Variants in MYO1G observed in about 807,000 individuals in gnomAD.
MYO1G encodes myosin IG.
A neutral mutation model predicts 115.3 loss-of-function variants in MYO1G; 65 were observed. The observed-to-expected ratio is 0.56, with a 90% CI of 0.46 to 0.69. MYO1G has a LOEUF of 0.69. Among genes scored for constraint, MYO1G ranks in the 30% least tolerant of loss-of-function variants. The pLI is 0.00. For missense variants in MYO1G, 1,204 were observed against 1,393.5 expected (o/e 0.86, Z 2.16); for synonymous variants, 510 against 552.6 (o/e 0.92, Z 1.08).
intron 9 of MYO1G, 89 bp downstream of exon 9, chr7:44,970,503 T>C: frequency 6.5e-7 from 1 of 1,548,512 alleles, no homozygotes; most frequent in Non-Finnish European, 8.8e-7. Context: ...CCAACATTCC[T>C]GCTGCCCAGC....
At chr7:44,972,571 C>G (rs905092362) in intron 5 of MYO1G, 2 of 285,004 alleles carry the variant, frequency 7.0e-6, no homozygotes, top group Non-Finnish European at 1.4e-5. Context: ...GGAGACACTA[C>G]CCGGGTCCCA....
rs1794777902 is a variant in MYO1G, at chr7:44,963,113, C to G, written c.2757G>C (p.Leu919=). 6.7e-7 allele frequency: 1 copy of G among 1,490,014 alleles called. No homozygotes were observed. Among genetic ancestry groups the G allele is most frequent in the African/African-American group, 1.5e-5 (1 of 68,616 alleles). 92.3% of individuals were successfully genotyped at this position (1,490,014 alleles called of 1,614,324 possible). A position where few individuals can be genotyped will look rare whatever the true frequency, so the allele number is the denominator to read the frequency against. ...GCTGGTCTCCTCCGCTGGTCACGCT[C>G]AGCCCCGTCACCTGAGCGGAGCGCG... ...RAVPLEAVTG[L]SVTSGGDQLV... The change falls in exon 21 of 22, where the codon CTG becomes CTC. Residue 919 remains leucine, a synonymous_variant. Transcript: ENST00000258787. The surrounding 1 kb of genome is among the most constrained non-coding windows in gnomAD (Gnocchi z 4.1).
chr7:44,978,984 C>CCT lies in MYO1G; in HGVS notation c.-25_-24dup. 3 of 1,611,328 alleles carry CCT rather than the reference C, an allele frequency of 1.9e-6. No individual in the cohort carries two copies. Among genetic ancestry groups the CCT allele is most frequent in the Non-Finnish European group, 2.5e-6 (3 of 1,177,492 alleles). ...CATCCTGCCGGCTGGAAACACCTTGCCTCACCTTCCTGTGCCTGCTGGAAG... is the reference window on the plus strand; with the variant it reads ...CATCCTGCCGGCTGGAAACACCTTGCCTCTCACCTTCCTGTGCCTGCTGGAAG... On this transcript the variant is annotated 5_prime_UTR_variant, in exon 1 of 22. Transcript: ENST00000258787.
rs754241898 is a variant in MYO1G, at chr7:44,969,384, C to G, written c.1574+29G>C. 6.2e-7 allele frequency: 1 copy of G among 1,612,110 alleles called. No individual in the cohort carries two copies. Among genetic ancestry groups the G allele is most frequent in the Non-Finnish European group, 8.5e-7 (1 of 1,178,732 alleles). On this transcript the variant is annotated intron_variant, in intron 12 of 21. Transcript: ENST00000258787. This position sits in a 1 kb window ranked among gnomAD's most constrained non-coding sequence, Gnocchi z 5.0. ...CATGCCATGGTGCCTGTGGGAAAGC[C>G]AGGGATGTGGGTGGGAGGGGGCCCT... is the stretch of plus-strand genomic sequence containing the variant.
rs1181150578 is a variant in MYO1G, at chr7:44,969,412, C to T, written c.1574+1G>A. On this transcript the variant is annotated splice_donor_variant, in intron 12 of 21. Transcript: ENST00000258787. LOFTEE classifies it high-confidence loss of function. This position sits in a 1 kb window ranked among gnomAD's most constrained non-coding sequence, Gnocchi z 5.0. Reference sequence around the variant, plus strand: ...GGATGTGGGTGGGAGGGGGCCCTTACGTGACGTCCCCTGCATAGTGCTTGA... The same window carrying T: ...GGATGTGGGTGGGAGGGGGCCCTTATGTGACGTCCCCTGCATAGTGCTTGA... The T allele has an allele frequency of 1.2e-6, 2 of 1,613,624 alleles. No homozygotes were observed. The highest frequency in any genetic ancestry group is 1.7e-5 in the Admixed American group (1 of 60,010).
rs765636961 is a variant in MYO1G at position 44,962,727 on chromosome 7, G to A, written c.*12C>T. ...ACAATTGGCGGCCTCGGGGTGCGGC[G>A]GGTGCGGGCGCTCAGCGGCTGGGCC... On this transcript the variant is annotated 3_prime_UTR_variant, in exon 22 of 22. Coordinates refer to ENST00000258787, the MANE Select transcript of MYO1G (RefSeq NM_033054.3). The surrounding 1 kb of genome is among the most constrained non-coding windows in gnomAD (Gnocchi z 5.3). 1.4e-6 allele frequency: 2 copies of A among 1,455,182 alleles called. No homozygotes were observed. Among genetic ancestry groups the A allele is most frequent in the Admixed American group, 2.6e-5 (1 of 39,148 alleles). The allele number at this position is 1,455,182 out of a possible 1,614,324, so 90.1% of individuals were successfully genotyped here.
Position 44,963,135 on chromosome 7 carries a change from C to T in MYO1G, c.2746-11G>A. 1 of 1,443,526 alleles carries T rather than the reference C, an allele frequency of 6.9e-7. No individual in the cohort carries two copies. The highest frequency in any genetic ancestry group is 9.1e-7 in the Non-Finnish European group (1 of 1,102,502). 89.4% of individuals were successfully genotyped at this position (1,443,526 alleles called of 1,614,324 possible). A position where few individuals can be genotyped will look rare whatever the true frequency, so the allele number is the denominator to read the frequency against. ...GCTCAGCCCCGTCACCTGAGCGGAGCGCGGGGTCAGAGTGCAGCCGCCTCA... is the reference window on the plus strand; with the variant it reads ...GCTCAGCCCCGTCACCTGAGCGGAGTGCGGGGTCAGAGTGCAGCCGCCTCA... On this transcript the variant is annotated splice_polypyrimidine_tract_variant and intron_variant, in intron 20 of 21. Transcript: ENST00000258787. This position sits in a 1 kb window ranked among gnomAD's most constrained non-coding sequence, Gnocchi z 4.1.
chr7:44,967,512 A>G, intron 14 of MYO1G, 93 bp downstream of exon 14: 1 of 1,489,774 alleles, frequency 6.7e-7, no homozygotes, highest in Non-Finnish European at 9.3e-7. Flanking sequence ...CCCCACCACT[A>G]TGATGTACAG....
Position 44,963,093 on chromosome 7 carries a change from TCTC to T in MYO1G, c.2774_2776del (p.Gly925del). ...GCGGGCGTGCAGCACCACCAGCTGG[TCTC>T]CTCCGCTGGTCACGCTCAGCCCCGT... On this transcript the variant is annotated inframe_deletion, in exon 21 of 22. Coordinates refer to ENST00000258787, the MANE Select transcript of MYO1G (RefSeq NM_033054.3). The surrounding 1 kb of genome is among the most constrained non-coding windows in gnomAD (Gnocchi z 4.1). 1 of 1,517,790 alleles carries T rather than the reference TCTC, an allele frequency of 6.6e-7. No homozygotes were observed. Among genetic ancestry groups the T allele is most frequent in the Non-Finnish European group, 8.8e-7 (1 of 1,138,968 alleles). 94.0% of individuals were successfully genotyped at this position (1,517,790 alleles called of 1,614,324 possible).
Position 44,964,324 on chromosome 7 carries a change from G to GC in MYO1G, c.2631+90dup, listed in dbSNP as rs1203398519. The GC allele has an allele frequency of 2.7e-5, 38 of 1,386,654 alleles. No individual in the cohort carries two copies. The highest frequency in any genetic ancestry group is 2.3e-4 in the East Asian group (10 of 43,436). 85.9% of individuals were successfully genotyped at this position (1,386,654 alleles called of 1,614,324 possible). On this transcript the variant is annotated intron_variant, in intron 19 of 21. Transcript: ENST00000258787. The surrounding 1 kb of genome is among the most constrained non-coding windows in gnomAD (Gnocchi z 5.1). Reference sequence around the variant, plus strand: ...GGGTTGCCTCCATTTTCTCCCAAGTGCCCCCCCAAAACTCTGCACCAGCTT... The same window carrying GC: ...GGGTTGCCTCCATTTTCTCCCAAGTGCCCCCCCCAAAACTCTGCACCAGCTT...
At chr7:44,973,598 C>T (rs1209352296) in intron 5 of MYO1G, 2 of 151,892 alleles carry the variant, frequency 1.3e-5, no homozygotes, top group African/African-American at 4.8e-5. Context: ...GAGCTCCCAC[C>T]TCAGTGGAGA....
At chr7:44,965,455 G>A (rs1794822525) in intron 17 of MYO1G, among the ~76,000 whole-genome samples, 182 bp downstream of exon 17, 1 of 152,232 alleles carries the variant, frequency 6.6e-6, no homozygotes, top group Admixed American at 6.5e-5. Flanking sequence ...TACCCAAGAT[G>A]GTCAGGGCTC....
Position 44,975,173 on chromosome 7 carries a change from C to G in MYO1G, c.618+1G>C. On this transcript the variant is annotated splice_donor_variant, in intron 5 of 21. Transcript: ENST00000258787. LOFTEE classifies it high-confidence loss of function. ...CACCTCCCCTTGCCCTCAGGGCTTA[C>G]TTGGTAGAAGGCGTGGAAGTTTCTT... 1 of 1,614,034 alleles carries G rather than the reference C, an allele frequency of 6.2e-7. No individual in the cohort carries two copies. The highest frequency in any genetic ancestry group is 8.5e-7 in the Non-Finnish European group (1 of 1,179,988).
Position 44,964,414 on chromosome 7 carries a change from C to A in MYO1G, c.2631+1G>T, listed in dbSNP as rs1462243631. 6.2e-7 allele frequency: 1 copy of A among 1,612,656 alleles called. No homozygotes were observed. The highest frequency in any genetic ancestry group is 1.7e-5 in the Admixed American group (1 of 60,014). ...GAAGCCATCCTTGTCCCTTGTCTAACCTTGCGGACATGGCTTGAAAAGAGC... is the reference window on the plus strand; with the variant it reads ...GAAGCCATCCTTGTCCCTTGTCTAAACTTGCGGACATGGCTTGAAAAGAGC... On this transcript the variant is annotated splice_donor_variant, in intron 19 of 21. Transcript: ENST00000258787. LOFTEE classifies it high-confidence loss of function. This position sits in a 1 kb window ranked among gnomAD's most constrained non-coding sequence, Gnocchi z 5.1.
intron 16 of MYO1G, 54 bp from the exon 17 acceptor site, chr7:44,965,914 C>T: frequency 6.4e-7 from 1 of 1,572,602 alleles, no homozygotes; most frequent in South Asian, 1.1e-5. Context: ...AGGCCCTAAC[C>T]CTTAGACCCA....
In MYO1G at chr7:44,964,854, A is replaced by C; in HGVS notation, c.2526+91T>G. Reference sequence around the variant, plus strand: ...CAGACAACCCCAGGCCTGGGAGAGGACATCTGAGGGGACCTGGTCACAGCA... The same window carrying C: ...CAGACAACCCCAGGCCTGGGAGAGGCCATCTGAGGGGACCTGGTCACAGCA... On this transcript the variant is annotated intron_variant, in intron 18 of 21. Transcript: ENST00000258787. This position sits in a 1 kb window ranked among gnomAD's most constrained non-coding sequence, Gnocchi z 5.1. 1.6e-5 allele frequency: 24 copies of C among 1,504,092 alleles called. No individual in the cohort carries two copies. The highest frequency in any genetic ancestry group is 2.1e-5 in the Non-Finnish European group (24 of 1,117,662). The allele number at this position is 1,504,092 out of a possible 1,614,324, so 93.2% of individuals were successfully genotyped here.
chr7:44,971,597 C>G, intron 7 of MYO1G, 76 bp downstream of exon 7: 1 of 1,098,360 alleles, frequency 9.1e-7, no homozygotes, highest in Non-Finnish European at 1.3e-6. Context: ...CCAGTCTCCT[C>G]CTCATCCCTG....
chr7:44,971,562 T>C, intron 7 of MYO1G, 111 bp downstream of exon 7: 1 of 752,452 alleles, frequency 1.3e-6, no homozygotes, highest in Non-Finnish European at 2.2e-6. Flanking sequence ...GCAGTCAGCC[T>C]AGCACATTGC....
In MYO1G at chr7:44,964,584, T is replaced by C. The variant is rs959390212; in HGVS notation, c.2527-65A>G. On this transcript the variant is annotated intron_variant, in intron 18 of 21. Transcript: ENST00000258787. This position sits in a 1 kb window ranked among gnomAD's most constrained non-coding sequence, Gnocchi z 5.1. ...GAGTCATGGGACCAGACTCAATTGA[T>C]AGCAGCTGTCTGTGAATCAGCATAG... 2.4e-6 allele frequency: 3 copies of C among 1,270,568 alleles called. No homozygotes were observed. The South Asian group carries it at 3.6e-5, about 15-fold the overall frequency. 78.7% of individuals were successfully genotyped at this position (1,270,568 alleles called of 1,614,324 possible).
Sources: allele counts gnomAD v4.1 joint callset (sites outside exome capture counted in the v4.1 genomes callset), GRCh38; gene constraint gnomAD v4.1.1; non-coding constraint Gnocchi (gnomAD v3.1); transcripts MANE v1.5; gene names NCBI Gene and HGNC (gene_info 2026-07-23, HGNC 2026-07-21).